Variants in RTTN observed in about 807,000 individuals in gnomAD.
RTTN encodes rotatin.
RTTN carries 182 observed loss-of-function variants against 269.2 expected under a neutral mutation model. The observed-to-expected ratio is 0.68, with a 90% CI of 0.60 to 0.76. The LOEUF (loss-of-function observed/expected upper bound fraction) is 0.76. RTTN is among the 30% of genes least tolerant of loss of function. The pLI is 0.00. For synonymous variants in RTTN, 1,006 were observed against 963.5 expected (o/e 1.04, Z -0.82); for missense variants, 2,545 against 2,608.6 (o/e 0.98, Z 0.53).
chr18:70,187,449 G>A (rs990446163), intron 10 of RTTN, among the ~76,000 whole-genome samples: 1 of 152,090 alleles, frequency 6.6e-6, no homozygotes, highest in African/African-American at 2.4e-5. Context: ...AAAGGTAACT[G>A]GATGGGAGAG....
At chr18:70,098,427 T>C (rs1209346708) in intron 28 of RTTN, among the ~76,000 whole-genome samples, 1 of 152,142 alleles carries the variant, frequency 6.6e-6, no homozygotes, top group East Asian at 1.9e-4. Flanking sequence ...AGTTGTTTTT[T>C]TGAAAAACTT....
Position 70,020,663 on chromosome 18 carries a change from A to C in RTTN, c.6105T>G (p.Leu2035=). Residue 2035 remains leucine, a synonymous_variant, in exon 45 of 49, where the codon CTT becomes CTG. Coordinates refer to ENST00000640769, the MANE Select transcript of RTTN (RefSeq NM_173630.4). ...NTTVQQMVFM[L]LSNLALSHDC... The stretch of plus-strand genomic sequence containing the variant: ...CATGCGACAAGGCCAGGTTTGAAAG[A>C]AGCATAAAAACCATCTGCTGAACCG... The C allele has an allele frequency of 6.2e-7, 1 of 1,614,064 alleles. No individual in the cohort carries two copies. Among genetic ancestry groups the C allele is most frequent in the Non-Finnish European group, 8.5e-7 (1 of 1,179,920 alleles).
intron 22 of RTTN, among the ~76,000 whole-genome samples, chr18:70,134,913 G>T (rs2060087856): frequency 6.6e-6 from 1 of 151,976 alleles, no homozygotes; most frequent in Non-Finnish European, 1.5e-5. Context: ...ATAGTTGAAG[G>T]TATGTACTAA....
chr18:70,049,378 C>T (rs73964481), intron 39 of RTTN, among the ~76,000 whole-genome samples: 5,925 of 152,198 alleles, frequency 0.039, 211 homozygotes, highest in African/African-American at 0.095. Flanking sequence ...ATGTCTTAAT[C>T]AGTCAATCTC....
chr18:70,123,143 G>A (rs1016274716), intron 25 of RTTN, among the ~76,000 whole-genome samples: 2 of 151,956 alleles, frequency 1.3e-5, no homozygotes, highest in Non-Finnish European at 2.9e-5. Flanking sequence ...ATCCATTTAC[G>A]GATTCAAAGT....
intron 15 of RTTN, 189 bp from the exon 16 acceptor site, chr18:70,150,276 T>C: frequency 1.7e-6 from 1 of 573,610 alleles, no homozygotes; most frequent in Non-Finnish European, 3.1e-6. Context: ...TTCTAATTTT[T>C]TACCTTTAAT....
At chr18:70,143,094 A>C (rs1371138802) in intron 18 of RTTN, among the ~76,000 whole-genome samples, 1 of 152,082 alleles carries the variant, frequency 6.6e-6, no homozygotes, top group Non-Finnish European at 1.5e-5. Context: ...TTTGATTTGC[A>C]TTTCTCCAAT....
At chr18:70,041,459 T>C (rs1423842834) in intron 40 of RTTN, among the ~76,000 whole-genome samples, 1 of 151,754 alleles carries the variant, frequency 6.6e-6, no homozygotes, top group Non-Finnish European at 1.5e-5. Flanking sequence ...CTTGGGAAAC[T>C]TGAATTCTAA....
intron 23 of RTTN, 152 bp from the exon 24 acceptor site, chr18:70,128,698 T>C: frequency 1.6e-6 from 1 of 615,806 alleles, no homozygotes. Flanking sequence ...TTATCATAAT[T>C]TATACAGTAT....
chr18:70,202,790 C>T (rs1361938677), intron 3 of RTTN, among the ~76,000 whole-genome samples: 2 of 152,162 alleles, frequency 1.3e-5, no homozygotes, highest in East Asian at 1.9e-4. Flanking sequence ...ACATCTCAGT[C>T]AAAAGGCTGC....
At position 70,205,248 on chromosome 18, in the gene RTTN, T is replaced by G. The variant is rs1159189312; in HGVS notation, c.99A>C (p.Leu33Phe). The change falls in exon 2 of 49, where the codon TTA becomes TTC. Residue 33 changes from leucine to phenylalanine, a missense_variant. Coordinates refer to ENST00000640769, the MANE Select transcript of RTTN (RefSeq NM_173630.4). ...CCTGAATGAGATCAGCGTAGCAGAT[T>G]AAGTTGTGCTCAATCTTGCAGAGAA... ...KSILCKIEHN[L>F]ICYADLIQER... 3.7e-6 allele frequency: 6 copies of G among 1,614,196 alleles called. No individual in the cohort carries two copies. Among genetic ancestry groups the G allele is most frequent in the South Asian group, 2.2e-5 (2 of 91,086 alleles).
At chr18:70,069,380 C>A (rs544056948) in intron 34 of RTTN, among the ~76,000 whole-genome samples, 1 of 152,156 alleles carries the variant, frequency 6.6e-6, no homozygotes, top group African/African-American at 2.4e-5. Context: ...AAAATGGACT[C>A]AAATCTTGCT....
At chr18:70,147,512 T>C (rs2060425767) in intron 17 of RTTN, among the ~76,000 whole-genome samples, 2 of 152,128 alleles carry the variant, frequency 1.3e-5, no homozygotes, top group African/African-American at 4.8e-5. Flanking sequence ...TCAGGATGCA[T>C]CCATGTCATT....
intron 35 of RTTN, among the ~76,000 whole-genome samples, chr18:70,062,667 G>A (rs1263475220): frequency 6.9e-6 from 1 of 144,352 alleles, no homozygotes; most frequent in Non-Finnish European, 1.5e-5. Flanking sequence ...CCAGGCTGGA[G>A]TCTGGTGCAA....
intron 23 of RTTN, chr18:70,129,721 A>G (rs1487364623): frequency 6.6e-6 from 1 of 152,094 alleles, no homozygotes; most frequent in African/African-American, 2.4e-5. Flanking sequence ...CTGGGCAAAG[A>G]TTTATTAAGT....
rs775241805 is a variant in RTTN at position 70,017,481 on chromosome 18, C to A, written c.6347G>T (p.Ser2116Ile). ...TEMSKYKHKS[S>I]PLLPLLIFHN... The stretch of plus-strand genomic sequence containing the variant: ...AAAGATAAGAAGAGGCAATAAAGGG[C>A]TGCTCTTGTGCTTGTATTTGCTCAT... The change falls in exon 46 of 49, where the codon AGC (serine) becomes ATC (isoleucine). Residue 2116 changes from serine to isoleucine, a missense_variant. Transcript: ENST00000640769. The A allele has an allele frequency of 8.7e-6, 14 of 1,613,990 alleles. No homozygotes were observed. The South Asian group carries it at 1.5e-4, about 18-fold the overall frequency.
chr18:70,117,481 G>A (rs1001758894), intron 26 of RTTN, among the ~76,000 whole-genome samples: 3 of 151,934 alleles, frequency 2.0e-5, no homozygotes, highest in Admixed American at 6.6e-5. Flanking sequence ...ACTCTTAAAA[G>A]TAGTATTATT....
In RTTN at chr18:70,055,525, G is replaced by A. The variant is rs949595442; in HGVS notation, c.5032-1241C>T. ...CTGCCAACTTACTTTATATAAAAGT[G>A]TAGGTGGCTCCAGGCTTCACAAACT... On this transcript the variant is annotated intron_variant, in intron 37 of 48. Transcript: ENST00000640769. Among the ~76,000 whole-genome samples, 3 of 152,034 alleles carry A rather than the reference G, an allele frequency of 2.0e-5. No individual in the cohort carries two copies. The South Asian group carries it at 6.2e-4, about 32-fold the overall frequency.
At chr18:70,183,406 T>C (rs557368885) in intron 10 of RTTN, among the ~76,000 whole-genome samples, 54 of 152,162 alleles carry the variant, frequency 3.5e-4, no homozygotes, top group Non-Finnish European at 6.8e-4. Flanking sequence ...AGATGATTAC[T>C]GAGATTTAAA....
Sources: gnomAD v4.1 joint callset for allele counts (sites outside exome capture counted in the v4.1 genomes callset) on GRCh38, gnomAD v4.1.1 for gene constraint, MANE v1.5 for transcripts, NCBI Gene and HGNC (gene_info 2026-07-23, HGNC 2026-07-21) for gene names.